The following RTN4RL1 variants were observed in gnomAD, a reference collection of about 807,000 sequenced individuals.
The protein encoded by RTN4RL1 is reticulon 4 receptor like 1.
A neutral mutation model predicts 25.6 loss-of-function variants in RTN4RL1; 7 were observed. That is an observed-to-expected ratio of 0.27 (90% CI 0.16 to 0.51). RTN4RL1 has a LOEUF of 0.51. Among genes scored for constraint, RTN4RL1 ranks in the 20% least tolerant of loss-of-function variants. The pLI, the probability that RTN4RL1 is intolerant of heterozygous loss-of-function variation, is 0.97. For missense variants in RTN4RL1, 500 were observed against 615.6 expected (o/e 0.81, Z 1.99); for synonymous variants, 297 against 288.2 (o/e 1.03, Z -0.31).
At chr17:1,948,326 G>A (rs1014088847) in intron 1 of RTN4RL1, among the ~76,000 whole-genome samples, 50 of 152,192 alleles carry the variant, frequency 3.3e-4, no homozygotes, top group Non-Finnish European at 6.0e-4. Flanking sequence ...CATAAAATGT[G>A]TCCCGTTATG....
At chr17:1,943,797 A>G (rs1446375928) in intron 1 of RTN4RL1, among the ~76,000 whole-genome samples, 1 of 152,158 alleles carries the variant, frequency 6.6e-6, no homozygotes, top group Non-Finnish European at 1.5e-5. Context: ...CAGCCAGCGC[A>G]CAGCTGGGCT....
chr17:2,004,970 G>A (rs989973427), intron 1 of RTN4RL1, among the ~76,000 whole-genome samples: 8 of 152,236 alleles, frequency 5.3e-5, no homozygotes, highest in African/African-American at 1.9e-4. Flanking sequence ...TTCTGGGTCA[G>A]GCCACAATAT....
chr17:1,957,777 G>C (rs1489032698), intron 1 of RTN4RL1, among the ~76,000 whole-genome samples: 1 of 152,078 alleles, frequency 6.6e-6, no homozygotes, highest in Non-Finnish European at 1.5e-5. Context: ...CCAGGAGGTG[G>C]AGGTTGCACT....
chr17:1,938,699 C>T (rs1597484567), intron 1 of RTN4RL1, among the ~76,000 whole-genome samples: 1 of 152,118 alleles, frequency 6.6e-6, no homozygotes, highest in Admixed American at 6.5e-5. Flanking sequence ...ACAGTGTCTT[C>T]CACATCCTCA....
chr17:1,936,482 G>A lies in RTN4RL1; in HGVS notation c.*14C>T. On this transcript the variant is annotated 3_prime_UTR_variant, in exon 2 of 2. Coordinates refer to ENST00000331238, the MANE Select transcript of RTN4RL1 (RefSeq NM_178568.4). ...TGGACATGTGGCAGTGCTGGGTGCT[G>A]ACGCCCTGGGTCCTCAGCGGAGAGT... 6.5e-7 allele frequency: 1 copy of A among 1,532,836 alleles called. No individual in the cohort carries two copies. Among genetic ancestry groups the A allele is most frequent in the Non-Finnish European group, 8.7e-7 (1 of 1,144,614 alleles). The allele number at this position is 1,532,836 out of a possible 1,614,324, so 95.0% of individuals were successfully genotyped here. A position where few individuals can be genotyped will look rare whatever the true frequency, so the allele number is the denominator to read the frequency against.
intron 1 of RTN4RL1, among the ~76,000 whole-genome samples, chr17:1,989,410 CTCA>C (rs1465212747): frequency 6.6e-6 from 1 of 151,848 alleles, no homozygotes; most frequent in Non-Finnish European, 1.5e-5. Context: ...TAAATGCTTC[CTCA>C]TCATAACCCT....
At chr17:2,001,392 C>G (rs574066418) in intron 1 of RTN4RL1, 2 of 152,196 alleles carry the variant, frequency 1.3e-5, no homozygotes, top group East Asian at 1.9e-4. Context: ...TACAGGCGCC[C>G]GTCACCATGC....
chr17:2,024,831 T>C (rs774618728), intron 1 of RTN4RL1, 22 bp downstream of exon 1: 2 of 1,568,462 alleles, frequency 1.3e-6, no homozygotes, highest in South Asian at 2.3e-5. Flanking sequence ...AACTTCAACT[T>C]GCCCCTGCGG....
intron 1 of RTN4RL1, among the ~76,000 whole-genome samples, chr17:1,947,141 G>A (rs1278642031): frequency 2.0e-5 from 3 of 150,818 alleles, no homozygotes; most frequent in Non-Finnish European, 4.4e-5. Context: ...TATGTTGAAT[G>A]TGTGTCTGTG....
chr17:1,968,663 T>C (rs966522540), intron 1 of RTN4RL1, among the ~76,000 whole-genome samples: 1 of 151,932 alleles, frequency 6.6e-6, no homozygotes. Flanking sequence ...CACCATCCCC[T>C]CTCCCTGGGA....
chr17:2,007,554 C>T (rs866181899), intron 1 of RTN4RL1, among the ~76,000 whole-genome samples: 1 of 152,174 alleles, frequency 6.6e-6, no homozygotes, highest in African/African-American at 2.4e-5. Context: ...GTGGGTAGGC[C>T]AGGCTGCCAG....
chr17:1,947,870 G>A (rs891473115), intron 1 of RTN4RL1, among the ~76,000 whole-genome samples: 4 of 152,226 alleles, frequency 2.6e-5, no homozygotes, highest in Non-Finnish European at 5.9e-5. Flanking sequence ...TGGGACAGGC[G>A]CTCAGTCCTG....
chr17:2,000,702 T>C (rs566361316), intron 1 of RTN4RL1, among the ~76,000 whole-genome samples: 1 of 152,082 alleles, frequency 6.6e-6, no homozygotes, highest in Non-Finnish European at 1.5e-5. Context: ...GTATTTTTAG[T>C]AGAGATGGGG....
chr17:1,986,608 C>T (rs1034835382), intron 1 of RTN4RL1, among the ~76,000 whole-genome samples: 3 of 152,096 alleles, frequency 2.0e-5, no homozygotes, highest in Non-Finnish European at 2.9e-5. Flanking sequence ...ACAGAGAACC[C>T]CCACGGCCCC....
Position 1,936,302 on chromosome 17 carries a change from C to A in RTN4RL1, c.*194G>T. The A allele has an allele frequency of 7.3e-7, 1 of 1,376,952 alleles. No homozygotes were observed. Among genetic ancestry groups the A allele is most frequent in the Non-Finnish European group, 9.3e-7 (1 of 1,072,516 alleles). 85.3% of individuals were successfully genotyped at this position (1,376,952 alleles called of 1,614,324 possible). Reference sequence around the variant, plus strand: ...TGGGACAGCCGGCTGAGAAGCGCCACCCCCTCCCGCCTAGGGCTGTACACT... The same window carrying A: ...TGGGACAGCCGGCTGAGAAGCGCCAACCCCTCCCGCCTAGGGCTGTACACT... On this transcript the variant is annotated 3_prime_UTR_variant, in exon 2 of 2. Transcript: ENST00000331238.
At chr17:1,941,210 G>A (rs1915431994) in intron 1 of RTN4RL1, among the ~76,000 whole-genome samples, 1 of 152,182 alleles carries the variant, frequency 6.6e-6, no homozygotes, top group African/African-American at 2.4e-5. Context: ...GGGTCCCACG[G>A]AGAGACATTT....
chr17:1,939,739 C>G (rs576405105), intron 1 of RTN4RL1, among the ~76,000 whole-genome samples: 2 of 152,230 alleles, frequency 1.3e-5, no homozygotes, highest in Non-Finnish European at 2.9e-5. Context: ...TCATTACGGA[C>G]GATCGTCATT....
chr17:1,937,543 G>T lies in RTN4RL1; in HGVS notation c.279C>A (p.Pro93=). The T allele has an allele frequency of 6.2e-7, 1 of 1,614,018 alleles. No homozygotes were observed. The highest frequency in any genetic ancestry group is 8.5e-7 in the Non-Finnish European group (1 of 1,179,886). Residue 93 remains proline, a synonymous_variant, in exon 2 of 2, where the codon CCC becomes CCA. Coordinates refer to ENST00000331238, the MANE Select transcript of RTN4RL1 (RefSeq NM_178568.4). ...GGTGCACGAAGCCCTCGAAGGTGCTGGGGTGGATGTAGGTGATGTTGTTCG... is the reference window on the plus strand; with the variant it reads ...GGTGCACGAAGCCCTCGAAGGTGCTTGGGTGGATGTAGGTGATGTTGTTCG... ...IYSNNITYIH[P]STFEGFVHLE... is the part of the protein sequence containing the mutation.
At chr17:1,947,096 T>C (rs1915572596) in intron 1 of RTN4RL1, among the ~76,000 whole-genome samples, 1 of 149,086 alleles carries the variant, frequency 6.7e-6, no homozygotes, top group South Asian at 2.1e-4. Flanking sequence ...TGTCTCTGTG[T>C]CAATGTGTGT....
Sources: gnomAD v4.1 joint callset for allele counts (sites outside exome capture counted in the v4.1 genomes callset) on GRCh38, gnomAD v4.1.1 for gene constraint, MANE v1.5 for transcripts, NCBI Gene and HGNC (gene_info 2026-07-23, HGNC 2026-07-21) for gene names.